ABHD2: variants seen among roughly 807,000 people sequenced by gnomAD.
ABHD2 encodes monoacylglycerol lipase ABHD2.
In ABHD2, 20 loss-of-function variants were observed where a neutral mutation model predicts 48.1. That is an observed-to-expected ratio of 0.42 (90% confidence interval 0.29 to 0.60). The LOEUF (loss-of-function observed/expected upper bound fraction) is 0.60, where lower values mean the gene tolerates loss of function less well. Among genes scored for constraint, ABHD2 ranks in the 20% least tolerant of loss-of-function variants. The probability of loss-of-function intolerance (pLI) is 0.24; values close to 1 mark genes in which losing one functional copy is unlikely to be tolerated. For synonymous variants in ABHD2, 209 were observed against 214.2 expected (o/e 0.98, Z 0.21); for missense variants, 405 against 550.9 (o/e 0.74, Z 2.65).
At chr15:89,183,832 C>T (rs1246224600) in intron 6 of ABHD2, among the ~76,000 whole-genome samples, 1 of 152,050 alleles carries the variant, frequency 6.6e-6, no homozygotes, top group African/African-American at 2.4e-5. Context: ...GAGAAATGAA[C>T]CAGGGTAAGA....
chr15:89,122,382 A>G (rs1245745538), intron 3 of ABHD2, among the ~76,000 whole-genome samples: 1 of 152,188 alleles, frequency 6.6e-6, no homozygotes, highest in African/African-American at 2.4e-5. Flanking sequence ...TCTCAAGTAC[A>G]ATGCCATTCT....
the ABHD2 span, among the ~76,000 whole-genome samples, chr15:89,062,415 C>T: frequency 6.6e-6 from 1 of 151,970 alleles, no homozygotes; most frequent in African/African-American, 2.4e-5. Context: ...GACAGGGTCT[C>T]ACTGTGTCGC....
chr15:89,150,262 T>C (rs1048813003), intron 3 of ABHD2, among the ~76,000 whole-genome samples: 4 of 152,246 alleles, frequency 2.6e-5, no homozygotes, highest in Non-Finnish European at 5.9e-5. Context: ...ATTTCTTGGA[T>C]AGTCCTCTTC....
chr15:89,093,327 C>T (rs1363203326), intron 1 of ABHD2, among the ~76,000 whole-genome samples: 1 of 151,884 alleles, frequency 6.6e-6, no homozygotes, highest in Non-Finnish European at 1.5e-5. Context: ...ATTACAGGCA[C>T]ACGCCACCAC....
rs2051017025 is a variant in ABHD2 at position 89,176,581 on chromosome 15, A to G, written c.722+586A>G. On this transcript the variant is annotated intron_variant, in intron 6 of 10. Coordinates refer to ENST00000352732, the MANE Select transcript of ABHD2 (RefSeq NM_152924.5). This position sits in a 1 kb window ranked among gnomAD's most constrained non-coding sequence, Gnocchi z 4.5. ...TTGCCAGTAGATGCCCCACAGGATG[A>G]GTCCCAGGAGGGCGTGGTCATCTGC... Among the ~76,000 whole-genome samples, 3 of 152,152 alleles carry G rather than the reference A, an allele frequency of 2.0e-5. No homozygotes were observed. Among genetic ancestry groups the G allele is most frequent in the African/African-American group, 4.8e-5 (2 of 41,424 alleles).
the ABHD2 span, among the ~76,000 whole-genome samples, chr15:89,052,906 G>C: frequency 6.6e-6 from 1 of 152,002 alleles, no homozygotes; most frequent in Non-Finnish European, 1.5e-5. Context: ...TTCCACCTCA[G>C]GGTGTCTTAG....
chr15:89,110,574 G>A (rs1202446490), intron 1 of ABHD2, among the ~76,000 whole-genome samples: 2 of 151,982 alleles, frequency 1.3e-5, no homozygotes. Flanking sequence ...TGGTTAAAAT[G>A]AGAATTTACT....
At chr15:89,171,060 G>A (rs2050919524) in intron 5 of ABHD2, among the ~76,000 whole-genome samples, 1 of 152,050 alleles carries the variant, frequency 6.6e-6, no homozygotes, top group Admixed American at 6.5e-5. Flanking sequence ...AGGTTGCAGT[G>A]AGTCAAGATC....
chr15:89,055,350 A>T, the ABHD2 span, among the ~76,000 whole-genome samples: 1 of 142,190 alleles, frequency 7.0e-6, no homozygotes, highest in Non-Finnish European at 1.5e-5. Flanking sequence ...TTTTGAGACA[A>T]GGTTTCATTT....
chr15:89,144,654 G>A (rs2050463324), intron 3 of ABHD2, among the ~76,000 whole-genome samples: 1 of 152,196 alleles, frequency 6.6e-6, no homozygotes, highest in Non-Finnish European at 1.5e-5. Flanking sequence ...TACAGAGACA[G>A]AGAGCAGATT....
rs796140308 is a variant in ABHD2 at position 89,173,713 on chromosome 15, C to G, written c.539-2099C>G. ...TCCTTCCCTGTCCTCAGGGCCCATT[C>G]AGAGGCCTTGTCATCAGAATCCACT... On this transcript the variant is annotated intron_variant, in intron 5 of 10. Transcript: ENST00000352732. This position sits in a 1 kb window ranked among gnomAD's most constrained non-coding sequence, Gnocchi z 6.5. Among the ~76,000 whole-genome samples, 2 of 152,342 alleles carry G rather than the reference C, an allele frequency of 1.3e-5. No individual in the cohort carries two copies. The highest frequency in any genetic ancestry group is 4.8e-5 in the African/African-American group (2 of 41,578).
chr15:89,133,076 T>C (rs2050245056), intron 3 of ABHD2, among the ~76,000 whole-genome samples: 1 of 152,206 alleles, frequency 6.6e-6, no homozygotes, highest in South Asian at 2.1e-4. Context: ...TCAAGAAGCC[T>C]GGCTGCATTT....
Position 89,189,350 on chromosome 15 carries a change from G to A in ABHD2, c.926+1047G>A, listed in dbSNP as rs558516872. Among the ~76,000 whole-genome samples, 11 of 151,368 alleles carry A rather than the reference G, an allele frequency of 7.3e-5. No homozygotes were observed. In the East Asian group the frequency reaches 7.8e-4, roughly 11 times the overall value. ...AAAAAATTGAAAAATAAAAATAGCC[G>A]GGCATAGTGGCACACACCTGTAGTC... On this transcript the variant is annotated intron_variant, in intron 8 of 10. Coordinates refer to ENST00000352732, the MANE Select transcript of ABHD2 (RefSeq NM_152924.5). The surrounding 1 kb of genome is among the most constrained non-coding windows in gnomAD (Gnocchi z 4.9).
chr15:89,122,896 C>G (rs893108120), intron 3 of ABHD2, among the ~76,000 whole-genome samples: 17 of 152,184 alleles, frequency 1.1e-4, no homozygotes, highest in Admixed American at 6.5e-5. Flanking sequence ...GGCCGAAAAA[C>G]AGAGAGTTGA....
chr15:89,046,261 T>C, the ABHD2 span, among the ~76,000 whole-genome samples: 2 of 152,238 alleles, frequency 1.3e-5, no homozygotes, highest in Admixed American at 6.5e-5. Context: ...TTGATCATGG[T>C]GGATAAGCTT....
chr15:89,164,862 T>C lies in ABHD2; in HGVS notation c.538+9328T>C, dbSNP rs1029353576. Reference sequence around the variant, plus strand: ...TAAACAATAACGATTATCATCTTCATTGGCCCTTCACTCTAACTTTGTGTT... The same window carrying C: ...TAAACAATAACGATTATCATCTTCACTGGCCCTTCACTCTAACTTTGTGTT... On this transcript the variant is annotated intron_variant, in intron 5 of 10. Coordinates refer to ENST00000352732, the MANE Select transcript of ABHD2 (RefSeq NM_152924.5). This position sits in a 1 kb window ranked among gnomAD's most constrained non-coding sequence, Gnocchi z 5.0. Among the ~76,000 whole-genome samples, 1 of 152,196 alleles carries C rather than the reference T, an allele frequency of 6.6e-6. No individual in the cohort carries two copies. The highest frequency in any genetic ancestry group is 2.4e-5 in the African/African-American group (1 of 41,434).
At chr15:89,052,969 CTT>C in the ABHD2 span, among the ~76,000 whole-genome samples, 26 of 138,390 alleles carry the variant, frequency 1.9e-4, no homozygotes, top group Middle Eastern at 3.7e-3. Context: ...TGGTGGGCAG[CTT>C]TTTTTTTTTT....
Position 89,201,741 on chromosome 15 carries a change from A to C in ABHD2, c.*6318A>C. ...GAAGGGGCCTTTGAATTTGAGGTCT[A>C]TGGGCGGGTCGAGGACCAGGATCTG... is the stretch of plus-strand genomic sequence containing the variant. On this transcript the variant is annotated 3_prime_UTR_variant, in exon 11 of 11. Coordinates refer to ENST00000352732, the MANE Select transcript of ABHD2 (RefSeq NM_152924.5). 2.5e-6 allele frequency: 4 copies of C among 1,579,108 alleles called. No individual in the cohort carries two copies. The highest frequency in any genetic ancestry group is 1.1e-5 in the South Asian group (1 of 90,344).
At chr15:89,136,636 C>G (rs1207316434) in intron 3 of ABHD2, 1 of 178,240 alleles carries the variant, frequency 5.6e-6, no homozygotes, top group African/African-American at 2.4e-5. Flanking sequence ...CTCACTCTCT[C>G]CGCTCTATAA....
Sources: allele counts gnomAD v4.1 joint callset (sites outside exome capture counted in the v4.1 genomes callset), GRCh38; gene constraint gnomAD v4.1.1; non-coding constraint Gnocchi (gnomAD v3.1); transcripts MANE v1.5; gene names NCBI Gene and HGNC (gene_info 2026-07-23, HGNC 2026-07-21).